The following KIAA0825 variants were observed in gnomAD, a reference collection of about 807,000 sequenced individuals.
KIAA0825 encodes the protein uncharacterized protein KIAA0825.
In KIAA0825, 119 loss-of-function variants were observed where a neutral mutation model predicts 147.6. The observed-to-expected ratio is 0.81, with a 90% CI of 0.69 to 0.94. KIAA0825 has a LOEUF of 0.94. KIAA0825 is among the 40% of genes least tolerant of loss of function. KIAA0825 has a pLI of 0.00. For missense variants in KIAA0825, 1,381 were observed against 1,472.7 expected (o/e 0.94, Z 1.02); for synonymous variants, 470 against 518.1 (o/e 0.91, Z 1.26).
At chr5:94,481,893 C>T (rs1226498636) in intron 6 of KIAA0825, among the ~76,000 whole-genome samples, 1 of 151,980 alleles carries the variant, frequency 6.6e-6, no homozygotes, top group Non-Finnish European at 1.5e-5. Context: ...GCCAAGAAGC[C>T]TCCTGGTTTA....
At chr5:94,292,811 G>A (rs1054894960) in intron 20 of KIAA0825, among the ~76,000 whole-genome samples, 4 of 152,122 alleles carry the variant, frequency 2.6e-5, no homozygotes, top group Non-Finnish European at 5.9e-5. Flanking sequence ...TCTATTCAGG[G>A]ATTCAACTTT....
chr5:94,258,573 T>C (rs1031659538), intron 20 of KIAA0825, among the ~76,000 whole-genome samples: 2 of 151,992 alleles, frequency 1.3e-5, no homozygotes, highest in South Asian at 4.1e-4. Context: ...TATACACTTA[T>C]ATATAAAGGA....
rs1459990497 is a variant in KIAA0825, at chr5:94,318,277, T to C, written c.3710+66091A>G. ...TTATATATAAGCATTTATAGGTATA[T>C]GTATGCACATTATATGATAGATATA... On this transcript the variant is annotated intron_variant, in intron 20 of 20. Coordinates refer to ENST00000682413, the MANE Select transcript of KIAA0825 (RefSeq NM_001145678.3). Among the ~76,000 whole-genome samples the C allele has an allele frequency of 1.3e-5, 2 of 152,004 alleles. 1 individual carries two copies. The highest frequency in any genetic ancestry group is 4.1e-4 in the South Asian group (2 of 4,826).
intron 14 of KIAA0825, among the ~76,000 whole-genome samples, chr5:94,425,237 A>T (rs1428308319): frequency 6.6e-6 from 1 of 152,214 alleles, no homozygotes; most frequent in African/African-American, 2.4e-5. Flanking sequence ...ATTGTCAATA[A>T]AATGCTAGCA....
chr5:94,411,509 C>T (rs1392193971), intron 15 of KIAA0825, among the ~76,000 whole-genome samples: 1 of 152,274 alleles, frequency 6.6e-6, no homozygotes, highest in Admixed American at 6.5e-5. Flanking sequence ...AGAACCTCAA[C>T]ATTTATCTCA....
chr5:94,613,725 A>G (rs1463244874), intron 1 of KIAA0825, among the ~76,000 whole-genome samples: 2 of 152,230 alleles, frequency 1.3e-5, no homozygotes, highest in Non-Finnish European at 2.9e-5. Flanking sequence ...CAAAAGTAGC[A>G]TCAGTTACAC....
chr5:94,434,757 T>C (rs989897588), intron 14 of KIAA0825, among the ~76,000 whole-genome samples: 2 of 152,158 alleles, frequency 1.3e-5, no homozygotes, highest in African/African-American at 4.8e-5. Flanking sequence ...GCTAAACTCA[T>C]CCTTTTTATT....
chr5:94,562,993 T>C (rs1049383943), intron 2 of KIAA0825, among the ~76,000 whole-genome samples: 5 of 152,166 alleles, frequency 3.3e-5, no homozygotes, highest in African/African-American at 1.2e-4. Flanking sequence ...GTTAAAATTT[T>C]ACCCGTAGAC....
At chr5:94,190,491 A>ATTTT (rs70975895) in intron 20 of KIAA0825, among the ~76,000 whole-genome samples, 43 of 106,298 alleles carry the variant, frequency 4.0e-4, no homozygotes, top group Non-Finnish European at 5.6e-4. Context: ...ACGCCCAGCT[A>ATTTT]TTTTTTTTTT....
At chr5:94,336,707 T>C (rs1445350166) in intron 20 of KIAA0825, among the ~76,000 whole-genome samples, 1 of 152,166 alleles carries the variant, frequency 6.6e-6, no homozygotes, top group African/African-American at 2.4e-5. Flanking sequence ...TTGTGAATAG[T>C]GCCGCAGTAA....
chr5:94,538,938 A>C (rs1772692548), intron 2 of KIAA0825, among the ~76,000 whole-genome samples: 1 of 152,222 alleles, frequency 6.6e-6, no homozygotes, highest in Non-Finnish European at 1.5e-5. Context: ...TGTGTGAACC[A>C]GAGCAACTCC....
At chr5:94,401,756 T>C (rs1751407448) in intron 16 of KIAA0825, among the ~76,000 whole-genome samples, 1 of 152,138 alleles carries the variant, frequency 6.6e-6, no homozygotes, top group Non-Finnish European at 1.5e-5. Flanking sequence ...GTTATACTAG[T>C]CTCCTGGCAC....
At chr5:94,340,696 G>A (rs1782282289) in intron 20 of KIAA0825, among the ~76,000 whole-genome samples, 2 of 135,154 alleles carry the variant, frequency 1.5e-5, no homozygotes, top group African/African-American at 5.1e-5. Context: ...TATGTTACAT[G>A]ATACATATGT....
intron 6 of KIAA0825, among the ~76,000 whole-genome samples, chr5:94,480,007 CA>C (rs1470077295): frequency 6.6e-6 from 1 of 151,948 alleles, no homozygotes; most frequent in Non-Finnish European, 1.5e-5. Context: ...ATGTGTTTTG[CA>C]AATAGTTTTT....
intron 10 of KIAA0825, among the ~76,000 whole-genome samples, chr5:94,467,345 A>C (rs998462803): frequency 6.6e-6 from 1 of 152,140 alleles, no homozygotes; most frequent in Non-Finnish European, 1.5e-5. Context: ...ATTTTTGCAA[A>C]CCCACTATGA....
chr5:94,508,816 CCT>C (rs1189818541), intron 5 of KIAA0825, among the ~76,000 whole-genome samples: 4 of 152,148 alleles, frequency 2.6e-5, no homozygotes, highest in Non-Finnish European at 5.9e-5. Context: ...CTTGCTGACC[CCT>C]GAGGCCTGGT....
intron 6 of KIAA0825, among the ~76,000 whole-genome samples, chr5:94,477,415 AAGAT>A (rs1013690912): frequency 1.2e-4 from 19 of 152,078 alleles, no homozygotes; most frequent in Admixed American, 9.2e-4. Flanking sequence ...TGACAGAATC[AAGAT>A]AGATAGAGTC....
intron 20 of KIAA0825, among the ~76,000 whole-genome samples, chr5:94,291,501 G>T (rs185061651): frequency 3.3e-5 from 5 of 152,018 alleles, no homozygotes; most frequent in East Asian, 1.9e-4. Context: ...TAGCATGGTG[G>T]TTTGGTTACT....
chr5:94,457,109 A>G lies in KIAA0825; in HGVS notation c.2247-4040T>C, dbSNP rs139088906. On this transcript the variant is annotated intron_variant, in intron 12 of 20. Coordinates refer to ENST00000682413, the MANE Select transcript of KIAA0825 (RefSeq NM_001145678.3). ...TGTTTATGGTCTCAAAGGGAGTGAGATCTGTATGAGCATTTAATTCCACAG... is the reference window on the plus strand; with the variant it reads ...TGTTTATGGTCTCAAAGGGAGTGAGGTCTGTATGAGCATTTAATTCCACAG... Among the ~76,000 whole-genome samples, 439 of 152,296 alleles carry G rather than the reference A, an allele frequency of 2.9e-3. 4 individuals are homozygous for G. Among genetic ancestry groups the G allele is most frequent in the Non-Finnish European group, 5.3e-4 (36 of 68,022 alleles).
Sources: allele counts gnomAD v4.1 joint callset (sites outside exome capture counted in the v4.1 genomes callset), GRCh38; gene constraint gnomAD v4.1.1; transcripts MANE v1.5; gene names NCBI Gene and HGNC (gene_info 2026-07-23, HGNC 2026-07-21).